Variants in ADK observed in about 807,000 individuals in gnomAD.
The protein encoded by ADK is N6,N6-dimethyladenosine kinase.
ADK carries 24 observed loss-of-function variants against 44.7 expected under a neutral mutation model. The ratio of observed to expected loss-of-function variants is 0.54; its 90% CI spans 0.39 to 0.76. The LOEUF (loss-of-function observed/expected upper bound fraction) is 0.76, where lower values mean the gene tolerates loss of function less well. Ranked by LOEUF, ADK falls within the 30% of genes least tolerant of loss-of-function variation. ADK has a pLI of 0.00. For synonymous variants in ADK, 128 were observed against 142.6 expected, an observed-to-expected ratio of 0.90 and a Z score of 0.73; for missense variants, 321 against 425.1, an observed-to-expected ratio of 0.76 and a Z score of 2.15.
chr10:74,639,045 G>A (rs1395783753), intron 9 of ADK, among the ~76,000 whole-genome samples: 1 of 152,122 alleles, frequency 6.6e-6, no homozygotes, highest in Non-Finnish European at 1.5e-5. Context: ...CTGGACTCAG[G>A]TGATCCACCC....
At chr10:74,571,905 G>A (rs978851171) in intron 7 of ADK, among the ~76,000 whole-genome samples, 8 of 152,128 alleles carry the variant, frequency 5.3e-5, no homozygotes, top group African/African-American at 1.4e-4. Flanking sequence ...GTCTCTGCAC[G>A]TGAGATGGGT....
At chr10:74,353,781 T>A (rs1842045762) in intron 4 of ADK, among the ~76,000 whole-genome samples, 1 of 152,018 alleles carries the variant, frequency 6.6e-6, no homozygotes, top group South Asian at 2.1e-4. Context: ...GGCAGGAGAA[T>A]GGCATGAACA....
At chr10:74,320,361 T>C (rs1040335476) in intron 4 of ADK, among the ~76,000 whole-genome samples, 1 of 152,194 alleles carries the variant, frequency 6.6e-6, no homozygotes, top group Admixed American at 6.5e-5. Flanking sequence ...TTGTGACCAG[T>C]TGCTTTTCTC....
chr10:74,655,066 G>T, intron 9 of ADK: 1 of 237,416 alleles, frequency 4.2e-6, no homozygotes, highest in Non-Finnish European at 8.3e-6. Flanking sequence ...TTCACCCCGG[G>T]CCGCCTTCCC....
intron 4 of ADK, among the ~76,000 whole-genome samples, chr10:74,385,657 G>A (rs1429425813): frequency 2.6e-5 from 4 of 152,172 alleles, no homozygotes; most frequent in African/African-American, 9.7e-5. Flanking sequence ...GGGCACTGTT[G>A]TCATCGTCAG....
At position 74,178,129 on chromosome 10, in the gene ADK, T is replaced by TG. The variant is rs546468763; in HGVS notation, c.66-22630dup. On this transcript the variant is annotated intron_variant, in intron 1 of 10. Transcript: ENST00000539909. ...GCTAATTTTGTAGTTTTAGTAGAGA[T>TG]GGGGGTTTCACCATATTGGCCAGGC... 1.9e-3 allele frequency among the ~76,000 whole-genome samples: 288 copies of TG among 151,854 alleles called. 2 individuals are homozygous for TG. Among genetic ancestry groups the TG allele is most frequent in the African/African-American group, 6.3e-3 (259 of 41,416 alleles).
At chr10:74,649,832 C>A (rs1271746277) in intron 9 of ADK, among the ~76,000 whole-genome samples, 1 of 152,098 alleles carries the variant, frequency 6.6e-6, no homozygotes, top group Non-Finnish European at 1.5e-5. Context: ...TCAGATTTCC[C>A]AGCCACATTT....
rs182631609 is a variant in ADK, at chr10:74,291,124, A to G, written c.195-23543A>G. 2.5e-3 allele frequency among the ~76,000 whole-genome samples: 381 copies of G among 152,340 alleles called. 2 individuals carry two copies. The highest frequency in any genetic ancestry group is 8.7e-3 in the African/African-American group (363 of 41,580). On this transcript the variant is annotated intron_variant, in intron 3 of 10. Transcript: ENST00000539909. ...TCATTATTATCTTTAGCTCATAAAA[A>G]TAAACAAAAGAGGCTGGGTGCGGTG... is the stretch of plus-strand genomic sequence containing the variant.
chr10:74,288,977 C>T (rs1056181720), intron 3 of ADK, among the ~76,000 whole-genome samples: 5 of 152,034 alleles, frequency 3.3e-5, no homozygotes, highest in Non-Finnish European at 5.9e-5. Context: ...GAATGAGTGG[C>T]TACTTTGAAA....
chr10:74,206,779 T>A (rs1843612861), intron 2 of ADK, among the ~76,000 whole-genome samples: 1 of 152,198 alleles, frequency 6.6e-6, no homozygotes, highest in Non-Finnish European at 1.5e-5. Flanking sequence ...GATCACTGTT[T>A]TTAAAATTTC....
At position 74,638,678 on chromosome 10, in the gene ADK, C is replaced by A. The variant is rs911994049; in HGVS notation, c.878-31505C>A. 2.6e-5 allele frequency among the ~76,000 whole-genome samples: 4 copies of A among 152,232 alleles called. No individual in the cohort carries two copies. The East Asian group carries it at 7.7e-4, about 29-fold the overall frequency. ...TCTCATTCAATCAAACTTATTTGAA[C>A]CTTCGTACATTTTTGCTTTTATTAA... On this transcript the variant is annotated intron_variant, in intron 9 of 10. Transcript: ENST00000539909.
chr10:74,195,695 TTTC>T (rs1209279964), intron 1 of ADK, among the ~76,000 whole-genome samples: 1 of 124,748 alleles, frequency 8.0e-6, no homozygotes, highest in Non-Finnish European at 1.7e-5. Context: ...TTTCTTTCTT[TTTC>T]TTTTCTTTCT....
chr10:74,614,173 A>C (rs1852659374), intron 9 of ADK, among the ~76,000 whole-genome samples: 1 of 152,092 alleles, frequency 6.6e-6, no homozygotes, highest in African/African-American at 2.4e-5. Context: ...CATTTAGTTC[A>C]GTGATCTCAA....
intron 4 of ADK, among the ~76,000 whole-genome samples, chr10:74,350,102 A>G (rs184953505): frequency 6.6e-6 from 1 of 152,354 alleles, no homozygotes; most frequent in Admixed American, 6.5e-5. Context: ...CCCCAAATCA[A>G]CAGAATATAC....
intron 4 of ADK, among the ~76,000 whole-genome samples, chr10:74,320,692 A>G (rs1160377325): frequency 2.0e-5 from 3 of 152,188 alleles, no homozygotes; most frequent in Non-Finnish European, 4.4e-5. Flanking sequence ...TGAGTAAGCA[A>G]AGCAGAAATA....
At chr10:74,414,675 C>A (rs1844306930) in intron 6 of ADK, among the ~76,000 whole-genome samples, 1 of 152,036 alleles carries the variant, frequency 6.6e-6, no homozygotes. Flanking sequence ...GCAGAGGTTG[C>A]ACTCCTGCCT....
At chr10:74,257,543 ATTG>A (rs1456299904) in intron 3 of ADK, among the ~76,000 whole-genome samples, 1 of 152,142 alleles carries the variant, frequency 6.6e-6, no homozygotes, top group South Asian at 2.1e-4. Flanking sequence ...AATTGAGCAT[ATTG>A]TTTTTGAAAT....
chr10:74,235,128 CTT>C (rs35193175), intron 3 of ADK, among the ~76,000 whole-genome samples: 1,876 of 130,100 alleles, frequency 0.014, 44 homozygotes, highest in African/African-American at 0.053. Context: ...GAAATTATCC[CTT>C]TTTTTTTTTT....
In ADK at chr10:74,593,196, G is replaced by A. The variant is rs180965700; in HGVS notation, c.762+3879G>A. On this transcript the variant is annotated intron_variant, in intron 8 of 10. Coordinates refer to ENST00000539909, the MANE Select transcript of ADK (RefSeq NM_006721.4). ...AGGCCCTGCTGGCTAAGAGAGTGCA[G>A]TGTTGTTTTTGTAGGTGCCTGAACC... is the stretch of plus-strand genomic sequence containing the variant. Among the ~76,000 whole-genome samples, 248 of 152,326 alleles carry A rather than the reference G, an allele frequency of 1.6e-3. 1 individual carries two copies. Among genetic ancestry groups the A allele is most frequent in the South Asian group, 7.7e-3 (37 of 4,830 alleles).
Sources: allele counts gnomAD v4.1 joint callset (sites outside exome capture counted in the v4.1 genomes callset), GRCh38; gene constraint gnomAD v4.1.1; transcripts MANE v1.5; gene names NCBI Gene and HGNC (gene_info 2026-07-23, HGNC 2026-07-21).